The following PPP2R3A variants were observed in gnomAD, a reference collection of about 807,000 sequenced individuals.
The protein encoded by PPP2R3A is protein phosphatase 2 regulatory subunit B''alpha.
Under a neutral mutation model 106.9 loss-of-function variants are expected in PPP2R3A, and 80 were observed. The observed-to-expected ratio is 0.75, with a 90% confidence interval of 0.62 to 0.90. PPP2R3A has a LOEUF of 0.90. Ranked by LOEUF, PPP2R3A falls within the 40% of genes least tolerant of loss-of-function variation. PPP2R3A has a pLI of 0.00. For synonymous variants in PPP2R3A, 483 were observed against 468.3 expected (o/e 1.03, Z -0.41); for missense variants, 1,386 against 1,350.4 (o/e 1.03, Z -0.41).
At chr3:136,074,387 A>G (rs918698302) in intron 6 of PPP2R3A, among the ~76,000 whole-genome samples, 2 of 152,248 alleles carry the variant, frequency 1.3e-5, no homozygotes, top group Non-Finnish European at 2.9e-5. Context: ...TTGAACCTAA[A>G]GTCAGTCTGT....
intron 3 of PPP2R3A, among the ~76,000 whole-genome samples, chr3:136,033,860 AT>A (rs970685359): frequency 2.0e-5 from 3 of 146,996 alleles, no homozygotes; most frequent in Non-Finnish European, 3.0e-5. Flanking sequence ...TATTTTTTGT[AT>A]TTTTTTTCTT....
At chr3:136,118,066 T>C (rs1937845687) in intron 13 of PPP2R3A, among the ~76,000 whole-genome samples, 1 of 152,154 alleles carries the variant, frequency 6.6e-6, no homozygotes, top group African/African-American at 2.4e-5. Context: ...GCAAGGCTGG[T>C]TCAACATATG....
chr3:136,069,825 G>A (rs1936370966), intron 5 of PPP2R3A, among the ~76,000 whole-genome samples: 1 of 152,066 alleles, frequency 6.6e-6, no homozygotes, highest in Admixed American at 6.6e-5. Context: ...CATTCAGAAT[G>A]CTTTAAAAAT....
intron 1 of PPP2R3A, among the ~76,000 whole-genome samples, chr3:135,978,757 A>G (rs1293562259): frequency 3.3e-5 from 5 of 151,892 alleles, no homozygotes; most frequent in Non-Finnish European, 5.9e-5. Flanking sequence ...GTATCAGGTT[A>G]TAGATGCAGT....
chr3:136,136,051 A>T (rs1313446285), intron 13 of PPP2R3A, among the ~76,000 whole-genome samples: 5 of 40,950 alleles, frequency 1.2e-4, no homozygotes, highest in African/African-American at 2.8e-4. Flanking sequence ...GTCTCAAAAA[A>T]AAAAAAAAAA....
chr3:135,971,972 A>AT (rs543112478), intron 1 of PPP2R3A, among the ~76,000 whole-genome samples: 15 of 152,142 alleles, frequency 9.9e-5, no homozygotes, highest in African/African-American at 2.4e-4. Context: ...GAACTGTGTG[A>AT]TTTTTTTTAA....
intron 2 of PPP2R3A, among the ~76,000 whole-genome samples, chr3:136,019,141 G>A (rs1934376546): frequency 6.6e-6 from 1 of 152,228 alleles, no homozygotes; most frequent in Admixed American, 6.5e-5. Context: ...TGCAGGCCAA[G>A]AAGAGATGCA....
Position 136,128,012 on chromosome 3 carries a change from A to G in PPP2R3A, c.3330-17031A>G, listed in dbSNP as rs141819541. Reference sequence around the variant, plus strand: ...CTGCCTTATAAGAGCTCCTGAAGGAAGCACTAAACATGGAAAGAAGCAACC... The same window carrying G: ...CTGCCTTATAAGAGCTCCTGAAGGAGGCACTAAACATGGAAAGAAGCAACC... On this transcript the variant is annotated intron_variant, in intron 13 of 13. Coordinates refer to ENST00000264977, the MANE Select transcript of PPP2R3A (RefSeq NM_002718.5). 1.4e-3 allele frequency among the ~76,000 whole-genome samples: 218 copies of G among 152,334 alleles called. 1 individual carries two copies. Among genetic ancestry groups the G allele is most frequent in the African/African-American group, 4.9e-3 (204 of 41,568 alleles).
At chr3:136,082,074 C>T (rs1936795791) in intron 7 of PPP2R3A, among the ~76,000 whole-genome samples, 191 bp from the exon 8 acceptor site, 1 of 152,092 alleles carries the variant, frequency 6.6e-6, no homozygotes, top group East Asian at 1.9e-4. Flanking sequence ...GAGCATATTA[C>T]AGAGCTCAGT....
intron 1 of PPP2R3A, among the ~76,000 whole-genome samples, chr3:135,970,304 C>T (rs1395709540): frequency 2.0e-5 from 3 of 152,122 alleles, no homozygotes; most frequent in Admixed American, 6.5e-5. Flanking sequence ...TTAAAGTGTG[C>T]AAACTTAACT....
rs1380544283 is a variant in PPP2R3A, at chr3:136,086,862, T to C, written c.2789-1021T>C. Among the ~76,000 whole-genome samples, 3 of 152,296 alleles carry C rather than the reference T, an allele frequency of 2.0e-5. No homozygotes were observed. The East Asian group carries it at 5.8e-4, about 29-fold the overall frequency. ...AGCTGCTAAGTCCCTAATGACCTTA[T>C]TGATGATCCTGAAATTTTAGTGTGC... On this transcript the variant is annotated intron_variant, in intron 8 of 13. Coordinates refer to ENST00000264977, the MANE Select transcript of PPP2R3A (RefSeq NM_002718.5).
intron 1 of PPP2R3A, among the ~76,000 whole-genome samples, chr3:135,966,785 C>CA (rs1937100674): frequency 6.6e-6 from 1 of 152,150 alleles, no homozygotes; most frequent in Non-Finnish European, 1.5e-5. Context: ...TTCCTTCCAA[C>CA]ATCTGAGGAA....
At position 136,140,748 on chromosome 3, in the gene PPP2R3A, C is replaced by CAAA. The variant is rs996175388; in HGVS notation, c.3330-4282_3330-4280dup. Among the ~76,000 whole-genome samples the CAAA allele has an allele frequency of 6.9e-4, 56 of 81,612 alleles. No individual in the cohort carries two copies. The Admixed American group carries it at 6.9e-3, about 10-fold the overall frequency. 53.5% of individuals were successfully genotyped at this position (81,612 alleles called of 152,430 possible). A position where few individuals can be genotyped will look rare whatever the true frequency, so the allele number is the denominator to read the frequency against. On this transcript the variant is annotated intron_variant, in intron 13 of 13. Transcript: ENST00000264977. ...GGGCAACAAGAACAAAACTCAGTCT[C>CAAA]AAAAAAAAAAAAAAAGCCGGTTGTG...
chr3:136,042,877 G>T (rs531794151), intron 4 of PPP2R3A, among the ~76,000 whole-genome samples: 16 of 152,232 alleles, frequency 1.1e-4, no homozygotes, highest in Middle Eastern at 3.4e-3. Flanking sequence ...CTTGAAGGGA[G>T]CCCCAAGTGT....
At chr3:136,144,612 G>T (rs899675094) in intron 13 of PPP2R3A, among the ~76,000 whole-genome samples, 21 of 151,378 alleles carry the variant, frequency 1.4e-4, no homozygotes, top group African/African-American at 5.1e-4. Flanking sequence ...AGTGAGCCAA[G>T]ATCGTGCCAC....
At chr3:136,070,268 A>G (rs1161590439) in intron 5 of PPP2R3A, among the ~76,000 whole-genome samples, 1 of 152,216 alleles carries the variant, frequency 6.6e-6, no homozygotes. Context: ...TCAAACTTCA[A>G]CTTTTTTTGA....
At chr3:136,144,613 A>G (rs1939028252) in intron 13 of PPP2R3A, among the ~76,000 whole-genome samples, 1 of 151,552 alleles carries the variant, frequency 6.6e-6, no homozygotes, top group Admixed American at 6.6e-5. Context: ...GTGAGCCAAG[A>G]TCGTGCCACT....
At chr3:136,031,636 G>T (rs183119596) in intron 3 of PPP2R3A, among the ~76,000 whole-genome samples, 85 of 152,276 alleles carry the variant, frequency 5.6e-4, no homozygotes, top group Non-Finnish European at 4.7e-4. Context: ...TATAGTTTCA[G>T]GTCTTAGATT....
intron 5 of PPP2R3A, among the ~76,000 whole-genome samples, chr3:136,050,547 C>T (rs1012398575): frequency 2.0e-5 from 3 of 152,204 alleles, no homozygotes; most frequent in African/African-American, 7.2e-5. Flanking sequence ...TTTGCTGCTT[C>T]TGTGCCACGT....
Sources: allele counts gnomAD v4.1 joint callset (sites outside exome capture counted in the v4.1 genomes callset), GRCh38; gene constraint gnomAD v4.1.1; transcripts MANE v1.5; gene names NCBI Gene and HGNC (gene_info 2026-07-23, HGNC 2026-07-21).